ELOVL6: variants seen among roughly 807,000 people sequenced by gnomAD.
ELOVL6 encodes ELOVL fatty acid elongase 6, also known as very long chain fatty acid elongase 6.
Under a neutral mutation model 31.7 loss-of-function variants are expected in ELOVL6, and 8 were observed. That is an observed-to-expected ratio of 0.25 (90% confidence interval 0.15 to 0.45). The LOEUF is 0.45. ELOVL6 is among the 20% of genes least tolerant of loss of function. The probability of loss-of-function intolerance (pLI) is 1.00; values close to 1 mark genes in which losing one functional copy is unlikely to be tolerated. For synonymous variants in ELOVL6, 101 were observed against 117.7 expected (o/e 0.86, Z 0.92); for missense variants, 126 against 326.4 (o/e 0.39, Z 4.73).
intron 2 of ELOVL6, among the ~76,000 whole-genome samples, chr4:110,103,334 A>T (rs1386935149): frequency 6.6e-6 from 1 of 152,200 alleles, no homozygotes. Context: ...ATCAAAAGGA[A>T]TAGCAATGGA....
At chr4:110,061,791 C>T (rs1235025028) in intron 2 of ELOVL6, among the ~76,000 whole-genome samples, 11 of 152,008 alleles carry the variant, frequency 7.2e-5, no homozygotes, top group African/African-American at 1.9e-4. Flanking sequence ...CTCCTGACCT[C>T]GTGATCCACC....
intron 1 of ELOVL6, among the ~76,000 whole-genome samples, chr4:110,114,507 T>C (rs868645435): frequency 1.3e-5 from 2 of 152,192 alleles, no homozygotes; most frequent in Non-Finnish European, 1.5e-5. Context: ...CTACTAAATG[T>C]AGAAATAATG....
intron 1 of ELOVL6, among the ~76,000 whole-genome samples, chr4:110,109,876 T>C (rs1041147024): frequency 6.6e-6 from 1 of 152,234 alleles, no homozygotes; most frequent in African/African-American, 2.4e-5. Context: ...CCTGGCTCTT[T>C]CATGTCGTAT....
intron 2 of ELOVL6, among the ~76,000 whole-genome samples, chr4:110,084,375 TGATA>T (rs1425684838): frequency 8.2e-6 from 1 of 121,748 alleles, no homozygotes; most frequent in Non-Finnish European, 1.6e-5. Flanking sequence ...ATATGATATA[TGATA>T]TATATCGCAT....
intron 1 of ELOVL6, among the ~76,000 whole-genome samples, chr4:110,130,833 G>A (rs1757646321): frequency 6.6e-6 from 1 of 152,132 alleles, no homozygotes; most frequent in South Asian, 2.1e-4. Context: ...AGTCATTTTA[G>A]GATATCAAAG....
chr4:110,194,312 G>A (rs552336338), intron 1 of ELOVL6, among the ~76,000 whole-genome samples: 1 of 152,270 alleles, frequency 6.6e-6, no homozygotes, highest in African/African-American at 2.4e-5. Context: ...TTGGACCTAT[G>A]AGCAGACATT....
At chr4:110,175,337 G>A (rs1271487608) in intron 1 of ELOVL6, among the ~76,000 whole-genome samples, 3 of 151,950 alleles carry the variant, frequency 2.0e-5, no homozygotes, top group African/African-American at 7.3e-5. Flanking sequence ...AGCCAACATT[G>A]CGCTACTGCA....
intron 1 of ELOVL6, among the ~76,000 whole-genome samples, chr4:110,108,758 G>C (rs552873258): frequency 3.3e-5 from 5 of 152,260 alleles, no homozygotes; most frequent in Non-Finnish European, 7.4e-5. Flanking sequence ...GCTATATCAG[G>C]GTCACAGGTA....
chr4:110,142,857 G>A (rs1002123909), intron 1 of ELOVL6, among the ~76,000 whole-genome samples: 1 of 152,100 alleles, frequency 6.6e-6, no homozygotes, highest in African/African-American at 2.4e-5. Context: ...TTAAATTGTG[G>A]TTTTACCTTC....
At chr4:110,097,050 G>A (rs1187585474) in intron 2 of ELOVL6, among the ~76,000 whole-genome samples, 1 of 152,084 alleles carries the variant, frequency 6.6e-6, no homozygotes, top group African/African-American at 2.4e-5. Flanking sequence ...GCTCACCCCT[G>A]TAATCTCAGC....
rs1162640567 is a variant in ELOVL6 at position 110,133,608 on chromosome 4, G to T, written c.90-27980C>A. Among the ~76,000 whole-genome samples the T allele has an allele frequency of 2.0e-5, 3 of 152,136 alleles. No homozygotes were observed. In the East Asian group the frequency reaches 5.8e-4, roughly 29 times the overall value. On this transcript the variant is annotated intron_variant, in intron 1 of 3. Transcript: ENST00000302274. ...CAGGGAAAAAGGGAAGAAAAGGCAT[G>T]CACCTTCTCATCTTGCTTAACCCTT...
At chr4:110,084,137 G>GATATATAACATATATAAC (rs1756051059) in intron 2 of ELOVL6, among the ~76,000 whole-genome samples, 3 of 60,904 alleles carry the variant, frequency 4.9e-5, no homozygotes, top group African/African-American at 3.3e-4. Flanking sequence ...ATGTGATAAT[G>GATATATAACATATATAAC]ATATATATGA....
At chr4:110,174,448 G>T (rs570747266) in intron 1 of ELOVL6, among the ~76,000 whole-genome samples, 1 of 152,278 alleles carries the variant, frequency 6.6e-6, no homozygotes, top group East Asian at 1.9e-4. Context: ...TTACAGGTGT[G>T]AGCCACTGCG....
chr4:110,087,570 G>C (rs1280526684), intron 2 of ELOVL6, among the ~76,000 whole-genome samples: 1 of 152,130 alleles, frequency 6.6e-6, no homozygotes, highest in Non-Finnish European at 1.5e-5. Context: ...AAGACTTCCA[G>C]AAGGTTTCCA....
At chr4:110,150,724 T>C (rs1234215015) in intron 1 of ELOVL6, among the ~76,000 whole-genome samples, 2 of 152,168 alleles carry the variant, frequency 1.3e-5, no homozygotes, top group East Asian at 1.9e-4. Context: ...TTAGTGATAA[T>C]AGATATTCAT....
rs1560815533 is a variant in ELOVL6, at chr4:110,084,478, A to AT, written c.221+21018_221+21019insA. 1.4e-3 allele frequency among the ~76,000 whole-genome samples: 34 copies of AT among 23,946 alleles called. 1 individual carries two copies. The South Asian group carries it at 0.043, about 30-fold the overall frequency. The allele number at this position is 23,946 out of a possible 152,430, so 15.7% of individuals were successfully genotyped here. A position where few individuals can be genotyped will look rare whatever the true frequency, so the allele number is the denominator to read the frequency against. ...TATCATATATGATATATAACAATAT[A>AT]CACTATAATGTATACACATATATAT... is the stretch of plus-strand genomic sequence containing the variant. On this transcript the variant is annotated intron_variant, in intron 2 of 3. Coordinates refer to ENST00000302274, the MANE Select transcript of ELOVL6 (RefSeq NM_024090.3).
rs184090088 is a variant in ELOVL6 at position 110,076,987 on chromosome 4, G to A, written c.222-17233C>T. Among the ~76,000 whole-genome samples, 326 of 152,318 alleles carry A rather than the reference G, an allele frequency of 2.1e-3. 1 individual carries two copies. Among genetic ancestry groups the A allele is most frequent in the African/African-American group, 7.2e-3 (298 of 41,578 alleles). On this transcript the variant is annotated intron_variant, in intron 2 of 3. Coordinates refer to ENST00000302274, the MANE Select transcript of ELOVL6 (RefSeq NM_024090.3). ...CTACGCCCACAGAGCCTCGCTCATT[G>A]CTAGCACAGCAGTCTGAGATCAAAC... is the stretch of plus-strand genomic sequence containing the variant.
intron 1 of ELOVL6, among the ~76,000 whole-genome samples, chr4:110,140,961 C>A (rs1199265158): frequency 6.6e-6 from 1 of 152,060 alleles, no homozygotes; most frequent in East Asian, 1.9e-4. Flanking sequence ...GCTGGGGAGG[C>A]CTCACAATCA....
intron 1 of ELOVL6, among the ~76,000 whole-genome samples, chr4:110,178,400 A>G (rs28651033): frequency 0.12 from 17,993 of 151,900 alleles, 1,225 homozygotes; most frequent in African/African-American, 0.18. Flanking sequence ...AAATTAGCCG[A>G]GTGTGGTGGC....
Sources: gnomAD v4.1 joint callset for allele counts (sites outside exome capture counted in the v4.1 genomes callset) on GRCh38, gnomAD v4.1.1 for gene constraint, MANE v1.5 for transcripts, NCBI Gene and HGNC (gene_info 2026-07-23, HGNC 2026-07-21) for gene names.